Variants in DAB1 observed in about 807,000 individuals in gnomAD.
DAB1 encodes DAB adaptor protein 1.
In DAB1, 15 loss-of-function variants were observed where a neutral mutation model predicts 64.6. The ratio of observed to expected loss-of-function variants is 0.23; its 90% CI spans 0.16 to 0.36. The LOEUF (loss-of-function observed/expected upper bound fraction) is 0.36, where lower values mean the gene tolerates loss of function less well. Ranked by LOEUF, DAB1 falls within the 10% of genes least tolerant of loss-of-function variation. The pLI is 1.00. For synonymous variants in DAB1, 235 were observed against 251.9 expected (o/e 0.93, Z 0.64); for missense variants, 596 against 706.7 (o/e 0.84, Z 1.78).
intron 3 of DAB1, among the ~76,000 whole-genome samples, chr1:58,421,565 A>G (rs1363153581): frequency 1.3e-5 from 2 of 152,172 alleles, no homozygotes; most frequent in Admixed American, 1.3e-4. Context: ...TAGCAGGAGG[A>G]GAGAGATGTG....
intron 5 of DAB1, among the ~76,000 whole-genome samples, chr1:58,102,212 C>T (rs960249143): frequency 6.6e-6 from 1 of 152,170 alleles, no homozygotes; most frequent in African/African-American, 2.4e-5. Flanking sequence ...TCGCTTTTGA[C>T]CCACAACTCT....
At chr1:58,013,313 T>C (rs546760710) in intron 5 of DAB1, among the ~76,000 whole-genome samples, 19 of 152,144 alleles carry the variant, frequency 1.2e-4, no homozygotes, top group Admixed American at 2.6e-4. Flanking sequence ...GTGTAATGTA[T>C]TGTTTCCCAT....
chr1:57,694,569 G>A lies in DAB1; in HGVS notation n.552-44904C>T, dbSNP rs1646802113. ...AAAGAGGTTAAAACTAGTTATCTCTGGAGAGTTGGACTGGGGAAAGGAAGT... is the reference window on the plus strand; with the variant it reads ...AAAGAGGTTAAAACTAGTTATCTCTAGAGAGTTGGACTGGGGAAAGGAAGT... On this transcript the variant is annotated intron_variant and non_coding_transcript_variant, in intron 6 of 20. Coordinates refer to the DAB1 transcript ENST00000485760. Among the ~76,000 whole-genome samples the A allele has an allele frequency of 2.0e-5, 3 of 152,250 alleles. No homozygotes were observed. The South Asian group carries it at 6.2e-4, about 32-fold the overall frequency.
chr1:57,234,946 C>T (rs1360071437), intron 2 of DAB1, among the ~76,000 whole-genome samples: 2 of 152,214 alleles, frequency 1.3e-5, no homozygotes, highest in African/African-American at 4.8e-5. Flanking sequence ...ATGTCTCTGA[C>T]GTCCTCTTAT....
chr1:57,730,421 G>A (rs1021401757), intron 6 of DAB1, among the ~76,000 whole-genome samples: 1 of 152,222 alleles, frequency 6.6e-6, no homozygotes, highest in East Asian at 1.9e-4. Flanking sequence ...CTCCTAGAAG[G>A]AGAGAATCAG....
At position 58,545,719 on chromosome 1, in the gene DAB1, A is replaced by C. The variant is rs141157204; in HGVS notation, n.32+984T>G. Among the ~76,000 whole-genome samples, 7 of 152,346 alleles carry C rather than the reference A, an allele frequency of 4.6e-5. No homozygotes were observed. In the South Asian group the frequency reaches 1.0e-3, roughly 23 times the overall value. On this transcript the variant is annotated intron_variant and non_coding_transcript_variant, in intron 1 of 20. Coordinates refer to the DAB1 transcript ENST00000485760. ...AGCACTCACTGGCACTCACAGCTGA[A>C]GCCTGGAAGACAGTTTTAACAACTC...
chr1:58,425,921 A>C (rs1398280045), intron 3 of DAB1, among the ~76,000 whole-genome samples: 2 of 152,038 alleles, frequency 1.3e-5, no homozygotes, highest in African/African-American at 4.8e-5. Context: ...GGGGTACAGA[A>C]GAATAGTCTG....
chr1:57,070,312 C>T (rs1226926287), intron 7 of DAB1, among the ~76,000 whole-genome samples: 2 of 152,128 alleles, frequency 1.3e-5, no homozygotes, highest in African/African-American at 2.4e-5. Flanking sequence ...ATTTTTTGGG[C>T]TTCTTTTTCA....
intron 4 of DAB1, among the ~76,000 whole-genome samples, chr1:58,320,699 A>G (rs1219629460): frequency 6.6e-6 from 1 of 152,218 alleles, no homozygotes; most frequent in Non-Finnish European, 1.5e-5. Context: ...GTCATGTTGA[A>G]CATAAGTATA....
chr1:57,456,417 G>C (rs1226605105), intron 7 of DAB1, among the ~76,000 whole-genome samples: 1 of 152,122 alleles, frequency 6.6e-6, no homozygotes, highest in Admixed American at 6.6e-5. Flanking sequence ...TGTTGGCTTT[G>C]AGGTTCTGAT....
chr1:57,709,912 C>G (rs569197767), intron 6 of DAB1, among the ~76,000 whole-genome samples: 2 of 152,110 alleles, frequency 1.3e-5, no homozygotes, highest in Non-Finnish European at 2.9e-5. Flanking sequence ...TTTATTGGCA[C>G]GGCTGCTGGC....
chr1:57,861,326 C>T (rs569870777), intron 1 of DAB1, among the ~76,000 whole-genome samples: 19 of 152,308 alleles, frequency 1.2e-4, no homozygotes, highest in African/African-American at 4.1e-4. Flanking sequence ...AGGCTGGAAG[C>T]CTGAGATCAG....
Position 57,269,614 on chromosome 1 carries a change from G to A in DAB1, c.67+21350C>T, listed in dbSNP as rs1003051801. Reference sequence around the variant, plus strand: ...AGGTTTTCTTTAACTTAACAATGTAGGATATTCAGATTTACGCCCTCCTCC... The same window carrying A: ...AGGTTTTCTTTAACTTAACAATGTAAGATATTCAGATTTACGCCCTCCTCC... On this transcript the variant is annotated intron_variant, in intron 2 of 14. Coordinates refer to ENST00000371236, the MANE Select transcript of DAB1 (RefSeq NM_001365792.1). Among the ~76,000 whole-genome samples, 12 of 152,206 alleles carry A rather than the reference G, an allele frequency of 7.9e-5. No individual in the cohort carries two copies. In the Middle Eastern group the frequency reaches 0.01, roughly 129 times the overall value.
chr1:57,847,112 A>G (rs1431517949), intron 1 of DAB1, among the ~76,000 whole-genome samples: 1 of 152,212 alleles, frequency 6.6e-6, no homozygotes, highest in African/African-American at 2.4e-5. Flanking sequence ...GGGAACAGCC[A>G]TCACTATTCC....
chr1:58,491,659 A>T (rs1431822960), intron 3 of DAB1, among the ~76,000 whole-genome samples: 1 of 152,186 alleles, frequency 6.6e-6, no homozygotes, highest in Non-Finnish European at 1.5e-5. Flanking sequence ...AGATCAAAAG[A>T]GACAAAGAAG....
intron 1 of DAB1, among the ~76,000 whole-genome samples, chr1:57,870,420 T>C (rs541426514): frequency 6.6e-6 from 1 of 152,204 alleles, no homozygotes; most frequent in African/African-American, 2.4e-5. Context: ...AAGCATTTAA[T>C]GTGATGGGTG....
In DAB1 at chr1:58,217,447, C is replaced by T. The variant is rs912573312; in HGVS notation, n.310-66859G>A. 2.6e-5 allele frequency among the ~76,000 whole-genome samples: 4 copies of T among 152,314 alleles called. No individual in the cohort carries two copies. In the East Asian group the frequency reaches 7.7e-4, roughly 29 times the overall value. On this transcript the variant is annotated intron_variant and non_coding_transcript_variant, in intron 4 of 20. Transcript: ENST00000485760. ...AGGCCCAGCATTGGCTGGAAAGATA[C>T]GCAAGTAGGGAGGAGGACATCATTC...
chr1:58,200,865 C>A (rs780636993), intron 4 of DAB1, among the ~76,000 whole-genome samples: 1 of 152,042 alleles, frequency 6.6e-6, no homozygotes, highest in Non-Finnish European at 1.5e-5. Context: ...AGTATTTAGC[C>A]CAACTCAAAC....
chr1:58,406,132 A>C (rs1022018837), intron 3 of DAB1, among the ~76,000 whole-genome samples: 1 of 152,162 alleles, frequency 6.6e-6, no homozygotes, highest in Non-Finnish European at 1.5e-5. Context: ...AGGCCAGCAA[A>C]TCTGAGACCA....
Sources: allele counts gnomAD v4.1 joint callset (sites outside exome capture counted in the v4.1 genomes callset), GRCh38; gene constraint gnomAD v4.1.1; transcripts MANE v1.5; gene names NCBI Gene and HGNC (gene_info 2026-07-23, HGNC 2026-07-21).